The following NCAPD3 variants were observed in gnomAD, a reference collection of about 807,000 sequenced individuals.
NCAPD3 encodes the protein condensin-2 complex subunit D3.
Under a neutral mutation model 182.9 loss-of-function variants are expected in NCAPD3, and 105 were observed. The ratio of observed to expected loss-of-function variants is 0.57; its 90% CI spans 0.49 to 0.68. The LOEUF (loss-of-function observed/expected upper bound fraction) is 0.68. NCAPD3 is among the 30% of genes least tolerant of loss of function. The pLI is 0.00. For synonymous variants in NCAPD3, 815 were observed against 679.9 expected, an observed-to-expected ratio of 1.20 and a Z score of -3.09; for missense variants, 1,944 against 1,837.0, an observed-to-expected ratio of 1.06 and a Z score of -1.07.
intron 24 of NCAPD3, among the ~76,000 whole-genome samples, chr11:134,175,231 G>A (rs567214513): frequency 2.0e-5 from 3 of 152,306 alleles, no homozygotes; most frequent in African/African-American, 4.8e-5. Context: ...TTAAGTAACC[G>A]ATTTTACCTC....
intron 26 of NCAPD3, 34 bp downstream of exon 26, chr11:134,168,433 AAC>A (rs1191556215): frequency 2.5e-6 from 4 of 1,611,326 alleles, no homozygotes; most frequent in Admixed American, 1.7e-5. Flanking sequence ...TTCATTTGCA[AAC>A]ACACACATTT....
intron 28 of NCAPD3, among the ~76,000 whole-genome samples, chr11:134,160,778 C>A (rs1943555664): frequency 6.6e-6 from 1 of 152,110 alleles, no homozygotes; most frequent in African/African-American, 2.4e-5. Context: ...AATCCATGCA[C>A]TTTTCCAGCT....
In NCAPD3 at chr11:134,150,955, C is replaced by G. The variant is rs918613149; in HGVS notation, c.*1989G>C. ...TTTTGACTTTAAATTTTTCATCCGC[C>G]GGAGACACTGCTCCCATTTGTGGGG... On this transcript the variant is annotated 3_prime_UTR_variant, in exon 35 of 35. Transcript: ENST00000534548. 2 of 152,194 alleles carry G rather than the reference C, an allele frequency of 1.3e-5. No homozygotes were observed. The highest frequency in any genetic ancestry group is 6.5e-5 in the Admixed American group (1 of 15,284). The allele number at this position is 152,194 out of a possible 1,614,324, so 9.4% of individuals were successfully genotyped here.
At chr11:134,192,099 G>T (rs1944535090) in intron 16 of NCAPD3, among the ~76,000 whole-genome samples, 1 of 152,196 alleles carries the variant, frequency 6.6e-6, no homozygotes, top group South Asian at 2.1e-4. Flanking sequence ...TACAACGGCT[G>T]CTCTTACAAA....
chr11:134,214,610 G>T (rs1358799530), intron 3 of NCAPD3, among the ~76,000 whole-genome samples: 1 of 152,072 alleles, frequency 6.6e-6, no homozygotes, highest in Non-Finnish European at 1.5e-5. Flanking sequence ...TTTAATTAAT[G>T]ACATCAAAAG....
At chr11:134,165,803 ACACT>A (rs1386752517) in intron 27 of NCAPD3, among the ~76,000 whole-genome samples, 2 of 132,282 alleles carry the variant, frequency 1.5e-5, no homozygotes, top group African/African-American at 5.9e-5. Flanking sequence ...GGGGAGATGC[ACACT>A]CACTTGTGAG....
At chr11:134,170,767 A>T (rs1490937140) in intron 24 of NCAPD3, among the ~76,000 whole-genome samples, 1 of 152,268 alleles carries the variant, frequency 6.6e-6, no homozygotes, top group African/African-American at 2.4e-5. Context: ...ATAGCAACAT[A>T]AAACCATGCC....
rs746797663 is a variant in NCAPD3, at chr11:134,223,845, C to T, written c.64+18G>A. The stretch of plus-strand genomic sequence containing the variant: ...ACCCTCGCCCTGGCCCCCGGGCCTC[C>T]CGGCTGCATCTGCTCACCGAGTCTA... On this transcript the variant is annotated intron_variant, in intron 1 of 34. Coordinates refer to ENST00000534548, the MANE Select transcript of NCAPD3 (RefSeq NM_015261.3). 14 of 1,610,808 alleles carry T rather than the reference C, an allele frequency of 8.7e-6. No individual in the cohort carries two copies. The highest frequency in any genetic ancestry group is 8.0e-5 in the African/African-American group (6 of 74,906).
At chr11:134,163,500 C>T (rs1051171132) in intron 27 of NCAPD3, among the ~76,000 whole-genome samples, 2 of 151,906 alleles carry the variant, frequency 1.3e-5, no homozygotes, top group East Asian at 3.9e-4. Context: ...GAGATTGAGA[C>T]CATCCTGGCA....
chr11:134,162,675 T>C (rs1188867733), intron 27 of NCAPD3, among the ~76,000 whole-genome samples: 7 of 152,212 alleles, frequency 4.6e-5, no homozygotes, highest in Non-Finnish European at 1.0e-4. Context: ...ATAAGCAATT[T>C]AATAAACCCA....
chr11:134,202,859 C>T lies in NCAPD3; in HGVS notation c.1572G>A (p.Gly524=). The part of the protein sequence containing the change: ...RQTSNRSEPS[G]EINIDSSGET... Reference sequence around the variant, plus strand: ...CACCACTGCTGTCTATGTTGATCTCCCCTGAGGGTTCGGAACGGTTAGATG... The same window carrying T: ...CACCACTGCTGTCTATGTTGATCTCTCCTGAGGGTTCGGAACGGTTAGATG... The change falls in exon 13 of 35, where the codon GGG becomes GGA. Residue 524 remains glycine, a synonymous_variant. Coordinates refer to ENST00000534548, the MANE Select transcript of NCAPD3 (RefSeq NM_015261.3). 6.2e-7 allele frequency: 1 copy of T among 1,609,018 alleles called. No individual in the cohort carries two copies. Among genetic ancestry groups the T allele is most frequent in the Non-Finnish European group, 8.5e-7 (1 of 1,178,874 alleles).
intron 8 of NCAPD3, 95 bp from the exon 9 acceptor site, chr11:134,205,066 AAC>A (rs1348044718): frequency 1.1e-5 from 10 of 898,394 alleles, no homozygotes; most frequent in Non-Finnish European, 1.8e-5. Context: ...TAGTTATTAA[AAC>A]ACTCTACCTC....
In NCAPD3 at chr11:134,177,361, T is replaced by C. The variant is rs760369743; in HGVS notation, c.2879A>G (p.Asn960Ser). ...GAGATCGCACATTACAATGATGACG[T>C]TGTTGCGGACAGCCACGTCCTCACA... is the stretch of plus-strand genomic sequence containing the variant. ...EVCEDVAVRN[N>S]VIIVMCDLCI... Residue 960 changes from asparagine to serine, a missense_variant, in exon 23 of 35, where the codon AAC becomes AGC. Asn to Ser is a conservative substitution (Grantham distance 46). Transcript: ENST00000534548. 6 of 1,614,248 alleles carry C rather than the reference T, an allele frequency of 3.7e-6. No individual in the cohort carries two copies. Among genetic ancestry groups the C allele is most frequent in the South Asian group, 3.3e-5 (3 of 91,090 alleles).
At chr11:134,157,163 T>A (rs1943445259) in intron 31 of NCAPD3, 68 bp from the exon 32 acceptor site, 4 of 1,254,032 alleles carry the variant, frequency 3.2e-6, no homozygotes, top group Non-Finnish European at 3.4e-6. Context: ...AACAACCACA[T>A]GAGAAAACAT....
At chr11:134,196,979 T>G (rs913785425) in intron 13 of NCAPD3, among the ~76,000 whole-genome samples, 21 of 152,248 alleles carry the variant, frequency 1.4e-4, no homozygotes, top group African/African-American at 4.6e-4. Flanking sequence ...CGGGGCCTGG[T>G]AGGGGTGTTT....
At chr11:134,187,751 C>T (rs926916120) in intron 16 of NCAPD3, among the ~76,000 whole-genome samples, 2 of 152,176 alleles carry the variant, frequency 1.3e-5, no homozygotes, top group Non-Finnish European at 2.9e-5. Context: ...TCCCTTTCCA[C>T]TAAAATTGTG....
intron 4 of NCAPD3, chr11:134,209,700 G>A: frequency 2.2e-6 from 1 of 457,936 alleles, no homozygotes; most frequent in Non-Finnish European, 3.8e-6. Context: ...TTGTGTCAAT[G>A]AGGAATCCTT....
chr11:134,154,306 C>A (rs1020560724), intron 32 of NCAPD3, among the ~76,000 whole-genome samples: 1 of 152,144 alleles, frequency 6.6e-6, no homozygotes, highest in Non-Finnish European at 1.5e-5. Flanking sequence ...CTTCAAGACA[C>A]CTCAATCGCT....
intron 16 of NCAPD3, among the ~76,000 whole-genome samples, chr11:134,187,179 C>G (rs1052316685): frequency 6.6e-6 from 1 of 152,214 alleles, no homozygotes; most frequent in African/African-American, 2.4e-5. Context: ...AGTACCAAAA[C>G]CAACGGCCAT....
Sources: gnomAD v4.1 joint callset for allele counts (sites outside exome capture counted in the v4.1 genomes callset) on GRCh38, gnomAD v4.1.1 for gene constraint, MANE v1.5 for transcripts, NCBI Gene and HGNC (gene_info 2026-07-23, HGNC 2026-07-21) for gene names.